Variants in EFCAB6 observed in about 807,000 individuals in gnomAD.
EFCAB6 encodes the protein EF-hand calcium binding domain 6.
Under a neutral mutation model 169.8 loss-of-function variants are expected in EFCAB6, and 156 were observed. That is an observed-to-expected ratio of 0.92 (90% CI 0.81 to 1.05). EFCAB6 has a LOEUF of 1.05. EFCAB6 is among the 50% of genes least tolerant of loss of function. The probability of loss-of-function intolerance (pLI) is 0.00; values close to 1 mark genes in which losing one functional copy is unlikely to be tolerated. For missense variants in EFCAB6, 1,800 were observed against 1,829.1 expected, an observed-to-expected ratio of 0.98 and a Z score of 0.29; for synonymous variants, 698 against 676.4, an observed-to-expected ratio of 1.03 and a Z score of -0.50.
chr22:43,738,723 T>C (rs888117562), intron 6 of EFCAB6, among the ~76,000 whole-genome samples: 10 of 152,116 alleles, frequency 6.6e-5, no homozygotes, highest in Non-Finnish European at 1.2e-4. Context: ...TTCTCCACTT[T>C]CCTAACCTCC....
chr22:43,602,783 C>T (rs980864193), intron 22 of EFCAB6, among the ~76,000 whole-genome samples: 1 of 152,054 alleles, frequency 6.6e-6, no homozygotes, highest in East Asian at 1.9e-4. Context: ...GAACCACAAC[C>T]GTGCCTTCCT....
At chr22:43,611,906 A>G (rs1055798907) in intron 21 of EFCAB6, among the ~76,000 whole-genome samples, 5 of 152,242 alleles carry the variant, frequency 3.3e-5, no homozygotes, top group African/African-American at 1.2e-4. Context: ...TTACCCAATT[A>G]AAGTATACTA....
chr22:43,738,507 A>G (rs1421934387), intron 6 of EFCAB6, among the ~76,000 whole-genome samples: 3 of 146,600 alleles, frequency 2.0e-5, no homozygotes, highest in Admixed American at 1.3e-4. Flanking sequence ...ATATACTCAC[A>G]CACACCATAT....
rs558303681 is a variant in EFCAB6, at chr22:43,672,942, C to A, written c.1420-637G>T. ...AAAGTACAATAAACACACAAAAAAA[C>A]CCATCACCTAGAAATTAAATAAATG... is the stretch of plus-strand genomic sequence containing the variant. On this transcript the variant is annotated intron_variant, in intron 13 of 31. Coordinates refer to ENST00000262726, the MANE Select transcript of EFCAB6 (RefSeq NM_022785.4). Among the ~76,000 whole-genome samples the A allele has an allele frequency of 2.0e-5, 3 of 152,030 alleles. No individual in the cohort carries two copies. The East Asian group carries it at 5.8e-4, about 29-fold the overall frequency.
At chr22:43,619,842 G>A (rs2053999252) in intron 20 of EFCAB6, among the ~76,000 whole-genome samples, 2 of 152,030 alleles carry the variant, frequency 1.3e-5, no homozygotes, top group Non-Finnish European at 2.9e-5. Context: ...AATAATAGCT[G>A]AAAATGCCAT....
chr22:43,732,672 G>C (rs1156461481), intron 7 of EFCAB6, among the ~76,000 whole-genome samples: 1 of 151,670 alleles, frequency 6.6e-6, no homozygotes, highest in South Asian at 2.1e-4. Context: ...TTTCCATGTT[G>C]GCCAGGCTGG....
At chr22:43,595,196 A>G (rs2147464075) in intron 23 of EFCAB6, among the ~76,000 whole-genome samples, 1 of 152,272 alleles carries the variant, frequency 6.6e-6, no homozygotes, top group Admixed American at 6.5e-5. Flanking sequence ...TGCATAAACA[A>G]TCTAACAATG....
At chr22:43,646,407 CAT>C (rs1045636375) in intron 17 of EFCAB6, among the ~76,000 whole-genome samples, 17 of 152,124 alleles carry the variant, frequency 1.1e-4, no homozygotes, top group African/African-American at 4.1e-4. Context: ...TATATGGTAA[CAT>C]ATAAACCTGG....
Position 43,576,469 on chromosome 22 carries a change from T to G in EFCAB6, c.3248A>C (p.Lys1083Thr), listed in dbSNP as rs756876950. ...AGCCTTTACAAATCCTGTATCCTCT[T>G]TATCCAATGCAGAAAATGCCTAAAA... ...ALSTAFSALD[K>T]EDTGFVKATE... Residue 1083 changes from lysine (K) to threonine (T), a missense_variant, in exon 26 of 32, where the codon AAA (lysine) becomes ACA (threonine). Transcript: ENST00000262726. 1.9e-6 allele frequency: 3 copies of G among 1,549,936 alleles called. No homozygotes were observed. Among genetic ancestry groups the G allele is most frequent in the East Asian group, 2.4e-5 (1 of 42,458 alleles).
At chr22:43,610,871 TCAA>T (rs2053252181) in intron 21 of EFCAB6, among the ~76,000 whole-genome samples, 1 of 152,014 alleles carries the variant, frequency 6.6e-6, no homozygotes, top group Non-Finnish European at 1.5e-5. Context: ...AATTGGAAAA[TCAA>T]CAACTCTTTT....
intron 10 of EFCAB6, among the ~76,000 whole-genome samples, chr22:43,706,345 G>A (rs112209861): frequency 2.0e-5 from 3 of 152,306 alleles, no homozygotes; most frequent in African/African-American, 7.2e-5. Flanking sequence ...AACTGAATCA[G>A]AAGTAGTTCC....
chr22:43,547,603 C>G (rs1320403930), intron 27 of EFCAB6, among the ~76,000 whole-genome samples: 1 of 151,918 alleles, frequency 6.6e-6, no homozygotes, highest in African/African-American at 2.4e-5. Context: ...AACCAACCAA[C>G]AAACCATAAA....
chr22:43,709,599 G>A (rs937314027), intron 10 of EFCAB6, among the ~76,000 whole-genome samples: 3 of 152,132 alleles, frequency 2.0e-5, no homozygotes, highest in Non-Finnish European at 2.9e-5. Context: ...ATATTTGTAC[G>A]TGAATACAAA....
At chr22:43,595,487 C>T (rs2051927803) in intron 23 of EFCAB6, among the ~76,000 whole-genome samples, 1 of 151,950 alleles carries the variant, frequency 6.6e-6, no homozygotes. Flanking sequence ...CTATGAAAAA[C>T]TATATGCTGA....
chr22:43,689,816 T>G (rs1030282026), intron 10 of EFCAB6, among the ~76,000 whole-genome samples: 1 of 152,212 alleles, frequency 6.6e-6, no homozygotes, highest in Non-Finnish European at 1.5e-5. Flanking sequence ...GGAAATGCAA[T>G]TCATGTTTCA....
rs775988333 is a variant in EFCAB6 at position 43,528,812 on chromosome 22, G to A, written c.*41C>T. The A allele has an allele frequency of 2.6e-6, 4 of 1,550,356 alleles. No homozygotes were observed. The highest frequency in any genetic ancestry group is 3.5e-6 in the Non-Finnish European group (4 of 1,133,428). ...TAGGATTTTATTAGCCTTGAAACAG[G>A]CCCTGTGGCTGTCGTCCCGCTGGGC... is the stretch of plus-strand genomic sequence containing the variant. On this transcript the variant is annotated 3_prime_UTR_variant, in exon 32 of 32. Transcript: ENST00000262726.
At chr22:43,636,804 G>A (rs549474121) in intron 17 of EFCAB6, among the ~76,000 whole-genome samples, 1 of 151,916 alleles carries the variant, frequency 6.6e-6, no homozygotes, top group East Asian at 1.9e-4. Context: ...TAGAGACGGG[G>A]TTTCACCATG....
chr22:43,791,358 A>C (rs2062280866), intron 2 of EFCAB6, among the ~76,000 whole-genome samples: 1 of 149,046 alleles, frequency 6.7e-6, no homozygotes, highest in African/African-American at 2.5e-5. Flanking sequence ...GGGTGATAGA[A>C]GTGAGACTGC....
chr22:43,635,289 G>T, intron 17 of EFCAB6, 73 bp from the exon 18 acceptor site: 2 of 1,081,684 alleles, frequency 1.8e-6, no homozygotes, highest in South Asian at 1.3e-5. Flanking sequence ...AGCACCTCCT[G>T]CCCCTGTGCT....
Sources: gnomAD v4.1 joint callset for allele counts (sites outside exome capture counted in the v4.1 genomes callset) on GRCh38, gnomAD v4.1.1 for gene constraint, MANE v1.5 for transcripts, NCBI Gene and HGNC (gene_info 2026-07-23, HGNC 2026-07-21) for gene names.